PLPP3: variants seen among roughly 807,000 people sequenced by gnomAD.
The protein encoded by PLPP3 is PAP2 beta.
In PLPP3, 6 loss-of-function variants were observed where a neutral mutation model predicts 29.6. The ratio of observed to expected loss-of-function variants is 0.20; its 90% confidence interval spans 0.11 to 0.40. PLPP3 has a LOEUF of 0.40. Ranked by LOEUF, PLPP3 falls within the 10% of genes least tolerant of loss-of-function variation. The pLI, the probability that PLPP3 is intolerant of heterozygous loss-of-function variation, is 1.00. For synonymous variants in PLPP3, 152 were observed against 159.7 expected (o/e 0.95, Z 0.36); for missense variants, 308 against 407.7 (o/e 0.76, Z 2.11).
rs1217071561 is a variant in PLPP3 at position 56,531,721 on chromosome 1, G to A, written c.297+5234C>T. On this transcript the variant is annotated intron_variant, in intron 2 of 5. Transcript: ENST00000371250. Reference sequence around the variant, plus strand: ...TAGGCTTGAAAGCCAAACAGATCTAGGTTTTAATTCGTGTTCCCCCATTCA... The same window carrying A: ...TAGGCTTGAAAGCCAAACAGATCTAAGTTTTAATTCGTGTTCCCCCATTCA... Among the ~76,000 whole-genome samples, 9 of 152,214 alleles carry A rather than the reference G, an allele frequency of 5.9e-5. No individual in the cohort carries two copies. The South Asian group carries it at 1.9e-3, about 31-fold the overall frequency.
chr1:56,574,636 A>G (rs1646223816), intron 1 of PLPP3, among the ~76,000 whole-genome samples: 1 of 152,212 alleles, frequency 6.6e-6, no homozygotes, highest in Admixed American at 6.5e-5. Context: ...TGTAAATTTC[A>G]GGAAGCAGGT....
chr1:56,532,588 T>G (rs1569885653), intron 2 of PLPP3, among the ~76,000 whole-genome samples: 2 of 152,132 alleles, frequency 1.3e-5, no homozygotes, highest in East Asian at 3.9e-4. Flanking sequence ...AGCAAGAAAT[T>G]TGCATGTGGT....
intron 1 of PLPP3, 129 bp from the exon 2 acceptor site, chr1:56,537,241 T>G: frequency 1.9e-6 from 2 of 1,079,200 alleles, no homozygotes; most frequent in South Asian, 3.3e-5. Flanking sequence ...AATCGTTCCT[T>G]CCATTTGTAG....
chr1:56,495,691 A>G lies in PLPP3; in HGVS notation c.*860T>C, dbSNP rs956760517. 1.3e-5 allele frequency: 2 copies of G among 152,646 alleles called. No individual in the cohort carries two copies. Among genetic ancestry groups the G allele is most frequent in the African/African-American group, 4.8e-5 (2 of 41,468 alleles). The allele number at this position is 152,646 out of a possible 1,614,324, so 9.5% of individuals were successfully genotyped here. ...ATGCCTTGCTCATTCCTGGGCCCTC[A>G]CAGGAAATCCTGGTGGGCACGCAGC... On this transcript the variant is annotated 3_prime_UTR_variant, in exon 6 of 6. Transcript: ENST00000371250.
chr1:56,512,676 C>T (rs1457023486), intron 4 of PLPP3: 2 of 152,110 alleles, frequency 1.3e-5, no homozygotes, highest in African/African-American at 4.8e-5. Flanking sequence ...AGTTCTCACA[C>T]TAAAAAATAG....
intron 1 of PLPP3, among the ~76,000 whole-genome samples, chr1:56,572,942 C>G (rs886951297): frequency 6.6e-6 from 1 of 152,034 alleles, no homozygotes; most frequent in Non-Finnish European, 1.5e-5. Context: ...TAATTTTTGC[C>G]CAAAATTACA....
At chr1:56,506,141 T>C (rs965506460) in intron 5 of PLPP3, among the ~76,000 whole-genome samples, 1 of 152,184 alleles carries the variant, frequency 6.6e-6, no homozygotes, top group Admixed American at 6.5e-5. Context: ...CAGAAGGGAA[T>C]AGATGGGACT....
intron 5 of PLPP3, among the ~76,000 whole-genome samples, chr1:56,508,858 C>G (rs577712885): frequency 4.7e-4 from 72 of 152,322 alleles, no homozygotes; most frequent in Non-Finnish European, 8.8e-4. Context: ...CCCATCTCTC[C>G]TCAATCCAGG....
At chr1:56,502,149 T>G (rs1459680429) in intron 5 of PLPP3, among the ~76,000 whole-genome samples, 1 of 152,154 alleles carries the variant, frequency 6.6e-6, no homozygotes, top group Non-Finnish European at 1.5e-5. Context: ...TAGGAATGGC[T>G]GAATCAGCAA....
chr1:56,499,872 C>T (rs922731381), intron 5 of PLPP3, among the ~76,000 whole-genome samples: 2 of 152,152 alleles, frequency 1.3e-5, no homozygotes, highest in Non-Finnish European at 2.9e-5. Context: ...AGAAGGAAAA[C>T]CCAGAGGCCC....
rs115318039 is a variant in PLPP3 at position 56,542,800 on chromosome 1, T to C, written c.140-5688A>G. Among the ~76,000 whole-genome samples, 236 of 152,218 alleles carry C rather than the reference T, an allele frequency of 1.6e-3. 2 individuals carry two copies. The highest frequency in any genetic ancestry group is 5.3e-3 in the African/African-American group (220 of 41,520). Reference sequence around the variant, plus strand: ...CCTTTGGGAGGCTGAGGCAGTTGCATTGCTTGAGCTCATAAGTCCGAGACC... The same window carrying C: ...CCTTTGGGAGGCTGAGGCAGTTGCACTGCTTGAGCTCATAAGTCCGAGACC... On this transcript the variant is annotated intron_variant, in intron 1 of 5. Transcript: ENST00000371250.
intron 5 of PLPP3, among the ~76,000 whole-genome samples, chr1:56,499,081 C>G (rs182376194): frequency 4.1e-5 from 6 of 146,358 alleles, no homozygotes; most frequent in African/African-American, 1.3e-4. Context: ...CGTCCCCCCC[C>G]CCCACCTTCC....
chr1:56,578,275 C>G (rs1400569185), intron 1 of PLPP3, among the ~76,000 whole-genome samples: 1 of 152,234 alleles, frequency 6.6e-6, no homozygotes, highest in Non-Finnish European at 1.5e-5. Context: ...CGCCTACCAC[C>G]TGGCACACAG....
chr1:56,516,464 C>G (rs951534080), intron 4 of PLPP3, among the ~76,000 whole-genome samples: 1 of 152,160 alleles, frequency 6.6e-6, no homozygotes, highest in African/African-American at 2.4e-5. Context: ...GATCAGAATA[C>G]CCAGAGGGGC....
intron 4 of PLPP3, among the ~76,000 whole-genome samples, chr1:56,519,884 CCTAA>C (rs1645807615): frequency 6.6e-6 from 1 of 152,028 alleles, no homozygotes; most frequent in Admixed American, 6.6e-5. Flanking sequence ...TATTCATTGA[CCTAA>C]CATGAAGTGC....
Position 56,579,252 on chromosome 1 carries a change from C to T in PLPP3, c.-236G>A, listed in dbSNP as rs1646260168. 3 of 505,076 alleles carry T rather than the reference C, an allele frequency of 5.9e-6. No individual in the cohort carries two copies. Among genetic ancestry groups the T allele is most frequent in the Non-Finnish European group, 1.0e-5 (3 of 293,004 alleles). The allele number at this position is 505,076 out of a possible 1,614,324, so 31.3% of individuals were successfully genotyped here. ...TTTCCTCTGTCAACCCTAAATCGTT[C>T]TAAAGTCCAAGGGGAAGAGAGCCAG... On this transcript the variant is annotated 5_prime_UTR_variant, in exon 1 of 6. Coordinates refer to ENST00000371250, the MANE Select transcript of PLPP3 (RefSeq NM_003713.5).
chr1:56,499,716 T>G (rs181233710), intron 5 of PLPP3, among the ~76,000 whole-genome samples: 15 of 152,332 alleles, frequency 9.8e-5, no homozygotes, highest in African/African-American at 2.4e-4. Context: ...CACTTTTTTT[T>G]GGGATCACGA....
intron 1 of PLPP3, among the ~76,000 whole-genome samples, chr1:56,575,482 A>T (rs1646229396): frequency 6.6e-6 from 1 of 152,242 alleles, no homozygotes; most frequent in Admixed American, 6.5e-5. Flanking sequence ...GACCACCCAA[A>T]TTCCGTATTA....
At chr1:56,525,754 ACACTT>A in intron 2 of PLPP3, among the ~76,000 whole-genome samples, 1 of 152,268 alleles carries the variant, frequency 6.6e-6, no homozygotes, top group Non-Finnish European at 1.5e-5. Context: ...ATGATGAGTT[ACACTT>A]GCCCTTTCAG....
Sources: allele counts gnomAD v4.1 joint callset (sites outside exome capture counted in the v4.1 genomes callset), GRCh38; gene constraint gnomAD v4.1.1; transcripts MANE v1.5; gene names NCBI Gene and HGNC (gene_info 2026-07-23, HGNC 2026-07-21).